Variants in FOXN3 observed in about 807,000 individuals in gnomAD.
The protein encoded by FOXN3 is forkhead box N3.
A neutral mutation model predicts 38.4 loss-of-function variants in FOXN3; 7 were observed. The observed-to-expected ratio is 0.18, with a 90% CI of 0.10 to 0.34. FOXN3 has a LOEUF of 0.34. Ranked by LOEUF, FOXN3 falls within the 10% of genes least tolerant of loss-of-function variation. The pLI is 1.00. For missense variants in FOXN3, 456 were observed against 613.4 expected (o/e 0.74, Z 2.71); for synonymous variants, 230 against 242.2 (o/e 0.95, Z 0.47).
intron 3 of FOXN3, among the ~76,000 whole-genome samples, chr14:89,348,779 A>G (rs1424363500): frequency 6.6e-6 from 1 of 152,140 alleles, no homozygotes; most frequent in Non-Finnish European, 1.5e-5. Context: ...TTTTATGTCT[A>G]TATTAAAAAT....
At chr14:89,611,967 C>T (rs533215187) in intron 1 of FOXN3, among the ~76,000 whole-genome samples, 7 of 152,084 alleles carry the variant, frequency 4.6e-5, no homozygotes, top group Non-Finnish European at 1.0e-4. Flanking sequence ...TTTCTTCCCC[C>T]CGAAGGGAAC....
intron 1 of FOXN3, among the ~76,000 whole-genome samples, chr14:89,531,871 G>A (rs763614905): frequency 1.8e-4 from 27 of 152,124 alleles, no homozygotes; most frequent in Non-Finnish European, 2.9e-4. Flanking sequence ...GTGCAGTGGC[G>A]CAATCTCAGC....
chr14:89,238,053 G>A (rs562492438), intron 4 of FOXN3, among the ~76,000 whole-genome samples: 3 of 152,298 alleles, frequency 2.0e-5, no homozygotes, highest in East Asian at 1.9e-4. Context: ...TCTTAAATCC[G>A]ATCTCCTCTA....
At chr14:89,339,581 T>C (rs529739109) in intron 3 of FOXN3, among the ~76,000 whole-genome samples, 1 of 152,342 alleles carries the variant, frequency 6.6e-6, no homozygotes, top group East Asian at 1.9e-4. Context: ...CTAAAGCTCA[T>C]GGGAGACAGG....
chr14:89,593,045 G>T (rs1399856744), intron 1 of FOXN3, among the ~76,000 whole-genome samples: 1 of 148,612 alleles, frequency 6.7e-6, no homozygotes, highest in South Asian at 2.2e-4. Flanking sequence ...GAGGGAGGGA[G>T]GGAGGAGGAA....
intron 1 of FOXN3, among the ~76,000 whole-genome samples, chr14:89,473,224 C>T (rs1245765363): frequency 6.6e-6 from 1 of 151,870 alleles, no homozygotes; most frequent in Non-Finnish European, 1.5e-5. Flanking sequence ...TGGGGTTTCA[C>T]CATGTTGGCC....
intron 3 of FOXN3, among the ~76,000 whole-genome samples, chr14:89,289,112 G>T (rs2139931175): frequency 6.7e-6 from 1 of 149,256 alleles, no homozygotes; most frequent in African/African-American, 2.5e-5. Flanking sequence ...AACCCAGGAG[G>T]CAGAGGTTGC....
At chr14:89,365,205 G>C (rs528973615) in intron 2 of FOXN3, among the ~76,000 whole-genome samples, 3 of 152,214 alleles carry the variant, frequency 2.0e-5, no homozygotes, top group East Asian at 1.9e-4. Flanking sequence ...ATTTTCACAG[G>C]GGGGAGGCTA....
intron 3 of FOXN3, among the ~76,000 whole-genome samples, chr14:89,336,167 CACACAT>C (rs1243600311): frequency 2.2e-5 from 3 of 139,470 alleles, no homozygotes; most frequent in Non-Finnish European, 4.8e-5. Context: ...CACACACACA[CACACAT>C]TCATAATCCT....
intron 4 of FOXN3, among the ~76,000 whole-genome samples, chr14:89,185,221 G>A (rs1358678808): frequency 6.6e-6 from 1 of 152,158 alleles, no homozygotes; most frequent in African/African-American, 2.4e-5. Context: ...GCTCGTGTTT[G>A]CTCACCAGCT....
chr14:89,547,307 T>A (rs1894907497), intron 1 of FOXN3, among the ~76,000 whole-genome samples: 1 of 151,942 alleles, frequency 6.6e-6, no homozygotes, highest in African/African-American at 2.4e-5. Context: ...CAGGCTGGAG[T>A]GCAGTGGCAC....
intron 4 of FOXN3, chr14:89,230,968 T>C (rs1208843231): frequency 9.2e-6 from 4 of 432,782 alleles, no homozygotes; most frequent in Non-Finnish European, 1.9e-5. Flanking sequence ...TCTACTGGAG[T>C]AGCACATAGC....
At chr14:89,528,304 T>G (rs759660681) in intron 1 of FOXN3, among the ~76,000 whole-genome samples, 9 of 145,520 alleles carry the variant, frequency 6.2e-5, no homozygotes, top group African/African-American at 2.3e-4. Context: ...AACTGTGATA[T>G]ATCCATACAA....
intron 1 of FOXN3, among the ~76,000 whole-genome samples, chr14:89,533,817 A>C (rs1047633096): frequency 2.0e-5 from 3 of 152,030 alleles, no homozygotes; most frequent in African/African-American, 7.2e-5. Flanking sequence ...AGCAACGAGA[A>C]AAGCTCCCAC....
At chr14:89,458,012 A>G (rs368925327) in intron 1 of FOXN3, among the ~76,000 whole-genome samples, 1 of 148,140 alleles carries the variant, frequency 6.8e-6, no homozygotes, top group African/African-American at 2.5e-5. Flanking sequence ...CCTGAGCGAT[A>G]AGAGCGAAAC....
At chr14:89,489,246 G>GA (rs1454625950) in intron 1 of FOXN3, among the ~76,000 whole-genome samples, 1 of 152,016 alleles carries the variant, frequency 6.6e-6, no homozygotes, top group Non-Finnish European at 1.5e-5. Context: ...CACCTTCTTG[G>GA]AAATTTAAAT....
intron 1 of FOXN3, among the ~76,000 whole-genome samples, chr14:89,463,094 T>C (rs1566664426): frequency 2.7e-5 from 4 of 149,918 alleles, no homozygotes; most frequent in Non-Finnish European, 5.9e-5. Context: ...ATTGAGAAGA[T>C]CTGGCTAACA....
intron 1 of FOXN3, among the ~76,000 whole-genome samples, chr14:89,491,843 C>T (rs773266074): frequency 1.3e-5 from 2 of 152,144 alleles, no homozygotes; most frequent in African/African-American, 2.4e-5. Context: ...TGAATGGAAG[C>T]GATTGAGTTT....
intron 3 of FOXN3, among the ~76,000 whole-genome samples, chr14:89,345,378 G>C (rs1385612331): frequency 1.3e-5 from 2 of 151,198 alleles, no homozygotes; most frequent in Non-Finnish European, 2.9e-5. Context: ...AAAGGAAAGA[G>C]AAGTTACAAA....
Sources: gnomAD v4.1 joint callset for allele counts (sites outside exome capture counted in the v4.1 genomes callset) on GRCh38, gnomAD v4.1.1 for gene constraint, MANE v1.5 for transcripts, NCBI Gene and HGNC (gene_info 2026-07-23, HGNC 2026-07-21) for gene names.